Variants in ZNF804B observed in about 807,000 individuals in gnomAD.
The protein encoded by ZNF804B is zinc finger 804B.
A neutral mutation model predicts 101.4 loss-of-function variants in ZNF804B; 80 were observed. That is an observed-to-expected ratio of 0.79 (90% confidence interval 0.66 to 0.95). ZNF804B has a LOEUF of 0.95. Ranked by LOEUF, ZNF804B falls within the 40% of genes least tolerant of loss-of-function variation. The probability of loss-of-function intolerance (pLI) is 0.00; values close to 1 mark genes in which losing one functional copy is unlikely to be tolerated. For missense variants in ZNF804B, 1,673 were observed against 1,561.9 expected (o/e 1.07, Z -1.20); for synonymous variants, 622 against 558.8 (o/e 1.11, Z -1.59).
chr7:89,208,766 A>T (rs1788756744), intron 1 of ZNF804B, among the ~76,000 whole-genome samples: 1 of 152,084 alleles, frequency 6.6e-6, no homozygotes. Context: ...TAATCCCAGC[A>T]CTTTGAGAGG....
chr7:88,835,191 A>G (rs963628448), intron 1 of ZNF804B, among the ~76,000 whole-genome samples: 1 of 151,910 alleles, frequency 6.6e-6, no homozygotes, highest in Non-Finnish European at 1.5e-5. Context: ...ATACTGCTTT[A>G]ATTTTTAGAA....
At chr7:89,291,670 G>A (rs1790294049) in intron 2 of ZNF804B, among the ~76,000 whole-genome samples, 1 of 152,102 alleles carries the variant, frequency 6.6e-6, no homozygotes, top group Non-Finnish European at 1.5e-5. Flanking sequence ...AAAGTGATTG[G>A]ACTTAAAGAG....
chr7:89,081,992 C>A (rs548812334), intron 1 of ZNF804B, among the ~76,000 whole-genome samples: 34 of 151,666 alleles, frequency 2.2e-4, no homozygotes, highest in Non-Finnish European at 4.3e-4. Context: ...CACCCATTCT[C>A]ATAATTATTT....
At chr7:89,149,317 C>T (rs1388581763) in intron 1 of ZNF804B, among the ~76,000 whole-genome samples, 2 of 152,000 alleles carry the variant, frequency 1.3e-5, no homozygotes, top group Non-Finnish European at 1.5e-5. Context: ...AGGATCCAGT[C>T]CAAATAAAGG....
At position 88,884,011 on chromosome 7, in the gene ZNF804B, T is replaced by G. The variant is rs369774162; in HGVS notation, c.108+123927T>G. 5.3e-5 allele frequency among the ~76,000 whole-genome samples: 8 copies of G among 152,158 alleles called. No individual in the cohort carries two copies. In the South Asian group the frequency reaches 1.4e-3, roughly 28 times the overall value. ...GAAAATTGGATCTCAAGAAATCATC[T>G]AGTTTAATGGAGATCCTAATGAAGG... is the stretch of plus-strand genomic sequence containing the variant. On this transcript the variant is annotated intron_variant, in intron 1 of 3. Coordinates refer to ENST00000333190, the MANE Select transcript of ZNF804B (RefSeq NM_181646.5).
chr7:89,174,487 T>C (rs2116439261), intron 1 of ZNF804B, among the ~76,000 whole-genome samples: 1 of 152,174 alleles, frequency 6.6e-6, no homozygotes, highest in Admixed American at 6.5e-5. Flanking sequence ...ACATTTTCTT[T>C]ATCTCTCTGT....
In ZNF804B at chr7:88,963,823, A is replaced by G. The variant is rs935168423; in HGVS notation, c.108+203739A>G. 2.0e-5 allele frequency among the ~76,000 whole-genome samples: 3 copies of G among 151,422 alleles called. No homozygotes were observed. In the Admixed American group the frequency reaches 2.0e-4, roughly 10 times the overall value. Reference sequence around the variant, plus strand: ...ATATCAAGGACTTCTACAAATTATGAACAAACAAATAAACAAAAAAGTAAA... The same window carrying G: ...ATATCAAGGACTTCTACAAATTATGGACAAACAAATAAACAAAAAAGTAAA... On this transcript the variant is annotated intron_variant, in intron 1 of 3. Transcript: ENST00000333190.
chr7:89,029,084 A>G (rs1788790883), intron 1 of ZNF804B, among the ~76,000 whole-genome samples: 1 of 152,098 alleles, frequency 6.6e-6, no homozygotes, highest in East Asian at 1.9e-4. Context: ...TAATAGCTGA[A>G]TGTTTTTTGG....
At chr7:89,199,243 A>G (rs1229880671) in intron 1 of ZNF804B, among the ~76,000 whole-genome samples, 2 of 151,852 alleles carry the variant, frequency 1.3e-5, no homozygotes, top group Non-Finnish European at 2.9e-5. Flanking sequence ...ATGGGAGGCC[A>G]GGCTTTCCCT....
chr7:88,947,271 C>T (rs1252044250), intron 1 of ZNF804B, among the ~76,000 whole-genome samples: 2 of 151,970 alleles, frequency 1.3e-5, no homozygotes, highest in Non-Finnish European at 2.9e-5. Flanking sequence ...AACCCAAATG[C>T]TCATCAGTGA....
chr7:89,180,223 G>T (rs940029624), intron 1 of ZNF804B, among the ~76,000 whole-genome samples: 2 of 152,134 alleles, frequency 1.3e-5, no homozygotes, highest in Non-Finnish European at 2.9e-5. Flanking sequence ...CCAGGGTTGT[G>T]TCTTTCTCTG....
At chr7:88,986,038 C>T (rs1351669316) in intron 1 of ZNF804B, among the ~76,000 whole-genome samples, 1 of 152,088 alleles carries the variant, frequency 6.6e-6, no homozygotes, top group Non-Finnish European at 1.5e-5. Context: ...CTGGATGGAT[C>T]CTCCATTTAT....
intron 1 of ZNF804B, among the ~76,000 whole-genome samples, chr7:89,016,478 G>A (rs112172828): frequency 3.3e-5 from 5 of 151,470 alleles, no homozygotes; most frequent in African/African-American, 9.7e-5. Flanking sequence ...TAGGTCTAAC[G>A]TTTAAGTCTT....
At position 89,300,656 on chromosome 7, in the gene ZNF804B, G is replaced by A. The variant is rs183955887; in HGVS notation, c.250-26688G>A. On this transcript the variant is annotated intron_variant, in intron 2 of 3. Transcript: ENST00000333190. ...GGAGAGCATTGGAATGGAGAGAGAG[G>A]CAGAGTAGAGAGAATGACAGAAGAT... Among the ~76,000 whole-genome samples, 208 of 151,952 alleles carry A rather than the reference G, an allele frequency of 1.4e-3. 1 individual carries two copies. Among genetic ancestry groups the A allele is most frequent in the Non-Finnish European group, 1.8e-4 (12 of 67,884 alleles).
intron 1 of ZNF804B, among the ~76,000 whole-genome samples, chr7:89,216,415 G>A (rs970399898): frequency 3.3e-5 from 5 of 152,148 alleles, no homozygotes; most frequent in Non-Finnish European, 7.4e-5. Context: ...CTGTATTCCC[G>A]TCTCACTTCT....
intron 3 of ZNF804B, 44 bp downstream of exon 3, chr7:89,327,518 C>T (rs760899964): frequency 6.3e-7 from 1 of 1,580,488 alleles, no homozygotes; most frequent in South Asian, 1.2e-5. Context: ...CTCTCGTCAA[C>T]CTATGGGGAA....
chr7:89,222,874 T>C (rs1251138715), intron 2 of ZNF804B, among the ~76,000 whole-genome samples: 1 of 151,994 alleles, frequency 6.6e-6, no homozygotes, highest in Non-Finnish European at 1.5e-5. Flanking sequence ...AACATTGGAA[T>C]AATTAAATTT....
intron 1 of ZNF804B, among the ~76,000 whole-genome samples, chr7:88,876,649 T>C (rs1791944093): frequency 1.3e-5 from 2 of 152,118 alleles, no homozygotes; most frequent in African/African-American, 2.4e-5. Context: ...TTCTGTCTTA[T>C]ATTGTTTGCT....
chr7:89,298,043 G>A (rs1790410750), intron 2 of ZNF804B, among the ~76,000 whole-genome samples: 1 of 141,800 alleles, frequency 7.1e-6, no homozygotes, highest in South Asian at 2.2e-4. Context: ...CCATATGTCT[G>A]CAGTTTCTTT....
Sources: allele counts gnomAD v4.1 joint callset (sites outside exome capture counted in the v4.1 genomes callset), GRCh38; gene constraint gnomAD v4.1.1; transcripts MANE v1.5; gene names NCBI Gene and HGNC (gene_info 2026-07-23, HGNC 2026-07-21).